The following PDE10A variants were observed in gnomAD, a reference collection of about 807,000 sequenced individuals.
The protein encoded by PDE10A is cAMP and cAMP-inhibited cGMP 3',5'-cyclic phosphodiesterase 10A.
In PDE10A, 39 loss-of-function variants were observed where a neutral mutation model predicts 97.7. The ratio of observed to expected loss-of-function variants is 0.40; its 90% CI spans 0.31 to 0.52. The LOEUF (loss-of-function observed/expected upper bound fraction) is 0.52, where lower values mean the gene tolerates loss of function less well. Among genes scored for constraint, PDE10A ranks in the 20% least tolerant of loss-of-function variants. PDE10A has a pLI of 0.56. For synonymous variants in PDE10A, 371 were observed against 376.8 expected, an observed-to-expected ratio of 0.98 and a Z score of 0.18; for missense variants, 731 against 1,047.8, an observed-to-expected ratio of 0.70 and a Z score of 4.17.
chr6:165,344,261 T>G (rs1334260083), intron 18 of PDE10A, among the ~76,000 whole-genome samples: 1 of 152,186 alleles, frequency 6.6e-6, no homozygotes, highest in Non-Finnish European at 1.5e-5. Flanking sequence ...TTGAATAGAT[T>G]TGGTCTTGTG....
In PDE10A at chr6:165,642,385, G is replaced by A. The variant is rs746106492; in HGVS notation, c.865+19562C>T. On this transcript the variant is annotated intron_variant, in intron 1 of 21. Transcript: ENST00000539869. The stretch of plus-strand genomic sequence containing the variant: ...ACGTCCATCTGTGCACCACCCTATC[G>A]ACACATAGGAGGCACTCAACAAAGG... Among the ~76,000 whole-genome samples, 4 of 152,142 alleles carry A rather than the reference G, an allele frequency of 2.6e-5. 1 individual carries two copies. Among genetic ancestry groups the A allele is most frequent in the Admixed American group, 6.6e-5 (1 of 15,266 alleles).
chr6:165,924,202 C>A (rs983678225), intron 1 of PDE10A, among the ~76,000 whole-genome samples: 1 of 152,180 alleles, frequency 6.6e-6, no homozygotes, highest in African/African-American at 2.4e-5. Context: ...GATAAAATAT[C>A]TCTCTCTGTG....
intron 1 of PDE10A, among the ~76,000 whole-genome samples, chr6:165,972,073 C>G (rs1056336609): frequency 1.3e-5 from 2 of 152,068 alleles, no homozygotes; most frequent in African/African-American, 4.8e-5. Flanking sequence ...CACGCTGTAA[C>G]AAAGGAAGCC....
chr6:165,917,755 C>T (rs376776807), intron 1 of PDE10A, among the ~76,000 whole-genome samples: 357 of 152,348 alleles, frequency 2.3e-3, no homozygotes, highest in African/African-American at 8.2e-3. Flanking sequence ...TCCCCAACGC[C>T]CCCTGCGTCA....
intron 1 of PDE10A, among the ~76,000 whole-genome samples, chr6:165,963,837 T>G (rs893638054): frequency 3.9e-5 from 6 of 152,140 alleles, no homozygotes; most frequent in Non-Finnish European, 7.3e-5. Flanking sequence ...CATCCCTCCT[T>G]GGGCCTCTAT....
chr6:165,343,553 G>A, intron 18 of PDE10A, 51 bp from the exon 19 acceptor site: 1 of 1,272,344 alleles, frequency 7.9e-7, no homozygotes, highest in East Asian at 2.3e-5. Flanking sequence ...CACATTTATA[G>A]TAAGGACTAG....
At chr6:165,745,375 A>G (rs921801734) in intron 1 of PDE10A, among the ~76,000 whole-genome samples, 5 of 152,226 alleles carry the variant, frequency 3.3e-5, no homozygotes, top group Non-Finnish European at 5.9e-5. Context: ...TTCATGGTAC[A>G]AAAGTCAGGT....
At chr6:165,368,711 T>A (rs1023061614) in intron 18 of PDE10A, among the ~76,000 whole-genome samples, 5 of 152,174 alleles carry the variant, frequency 3.3e-5, no homozygotes, top group African/African-American at 9.7e-5. Flanking sequence ...GTCTGACAGC[T>A]CTGAAGAGAG....
intron 1 of PDE10A, among the ~76,000 whole-genome samples, chr6:165,615,530 A>G (rs3008015): frequency 0.25 from 38,196 of 152,082 alleles, 4,862 homozygotes; most frequent in African/African-American, 0.3. Context: ...CACTTTATTG[A>G]GTTTTTTAAA....
intron 1 of PDE10A, among the ~76,000 whole-genome samples, chr6:165,585,169 GA>G (rs1005549788): frequency 6.6e-6 from 1 of 152,200 alleles, no homozygotes; most frequent in Admixed American, 6.5e-5. Context: ...CTCTTCTGGG[GA>G]AAGGGTTAAC....
chr6:165,388,494 A>G lies in PDE10A; in HGVS notation c.2455-41T>C. The G allele has an allele frequency of 1.9e-6, 3 of 1,592,184 alleles. No individual in the cohort carries two copies. The highest frequency in any genetic ancestry group is 2.6e-6 in the Non-Finnish European group (3 of 1,161,956). On this transcript the variant is annotated intron_variant, in intron 16 of 21. Transcript: ENST00000539869. The surrounding 1 kb of genome is among the most constrained non-coding windows in gnomAD (Gnocchi z 4.0). ...TGATGCAGAGATGCTCAAAACACAG[A>G]AACACACATGAGCAGACTTACCGCT...
intron 1 of PDE10A, among the ~76,000 whole-genome samples, chr6:165,965,771 T>C (rs1784492989): frequency 6.6e-6 from 1 of 152,220 alleles, no homozygotes; most frequent in South Asian, 2.1e-4. Flanking sequence ...TGCTGACTTT[T>C]CAATACTCTC....
chr6:165,549,192 T>C (rs934869806), intron 1 of PDE10A, among the ~76,000 whole-genome samples: 3 of 152,248 alleles, frequency 2.0e-5, no homozygotes, highest in East Asian at 1.9e-4. Flanking sequence ...AATAGAAGTA[T>C]TTCAATTTCA....
chr6:165,440,573 G>C (rs1199350593), intron 5 of PDE10A, among the ~76,000 whole-genome samples: 1 of 152,140 alleles, frequency 6.6e-6, no homozygotes, highest in Non-Finnish European at 1.5e-5. Flanking sequence ...TTGTTGACTA[G>C]CTGTGTGAAC....
At chr6:165,750,465 C>T (rs898342567) in intron 1 of PDE10A, among the ~76,000 whole-genome samples, 9 of 152,096 alleles carry the variant, frequency 5.9e-5, no homozygotes, top group Non-Finnish European at 1.3e-4. Flanking sequence ...CTGCCCAGCA[C>T]CCCCAGGATC....
intron 1 of PDE10A, among the ~76,000 whole-genome samples, chr6:165,931,123 C>T (rs1342530953): frequency 6.6e-6 from 1 of 152,234 alleles, no homozygotes; most frequent in East Asian, 1.9e-4. Flanking sequence ...CATCCACTTT[C>T]CCATGGTGGT....
chr6:165,928,515 GA>G (rs1395429858), intron 1 of PDE10A, among the ~76,000 whole-genome samples: 7 of 152,268 alleles, frequency 4.6e-5, no homozygotes, highest in Admixed American at 4.6e-4. Flanking sequence ...TGCTCGACTT[GA>G]GCTGGTCCTC....
intron 18 of PDE10A, among the ~76,000 whole-genome samples, chr6:165,347,926 T>C (rs1023582675): frequency 2.0e-4 from 30 of 152,340 alleles, no homozygotes; most frequent in African/African-American, 4.1e-4. Context: ...TGTAAAAATA[T>C]AGAACTTTTC....
chr6:165,629,235 A>G (rs1788520532), intron 1 of PDE10A, among the ~76,000 whole-genome samples: 1 of 152,208 alleles, frequency 6.6e-6, no homozygotes, highest in Admixed American at 6.5e-5. Flanking sequence ...CAAATCAAGT[A>G]ACACTCATTA....
Sources: allele counts gnomAD v4.1 joint callset (sites outside exome capture counted in the v4.1 genomes callset), GRCh38; gene constraint gnomAD v4.1.1; non-coding constraint Gnocchi (gnomAD v3.1); transcripts MANE v1.5; gene names NCBI Gene and HGNC (gene_info 2026-07-23, HGNC 2026-07-21).